MACF1: variants seen among roughly 807,000 people sequenced by gnomAD.
MACF1 encodes microtubule-actin cross-linking factor 1.
Under a neutral mutation model 854.8 loss-of-function variants are expected in MACF1, and 193 were observed. The observed-to-expected ratio is 0.23, with a 90% CI of 0.20 to 0.25. MACF1 has a LOEUF of 0.25. Ranked by LOEUF, MACF1 falls within the 10% of genes least tolerant of loss-of-function variation. The pLI is 1.00. For missense variants in MACF1, 7,722 were observed against 8,929.1 expected, an observed-to-expected ratio of 0.86 and a Z score of 5.45; for synonymous variants, 3,185 against 3,226.7, an observed-to-expected ratio of 0.99 and a Z score of 0.44.
chr1:39,471,609 G>C (rs1204551249), intron 97 of MACF1, among the ~76,000 whole-genome samples: 1 of 152,158 alleles, frequency 6.6e-6, no homozygotes, highest in African/African-American at 2.4e-5. Context: ...GCCAAAATCA[G>C]ATATTTCAGT....
rs554882617 is a variant in MACF1, at chr1:39,310,921, A to G, written c.3191A>G (p.Lys1064Arg). 6 of 1,614,230 alleles carry G rather than the reference A, an allele frequency of 3.7e-6. No homozygotes were observed. The highest frequency in any genetic ancestry group is 4.5e-5 in the East Asian group (2 of 44,886). ...GAGGAGTATGAACAGAGGGTGGTCAAACGAATTCAGTCTCTAGCCAGCTCT... is the reference window on the plus strand; with the variant it reads ...GAGGAGTATGAACAGAGGGTGGTCAGACGAATTCAGTCTCTAGCCAGCTCT... ...RLEEYEQRVV[K>R]RIQSLASSRT... The change falls in exon 26 of 101, where the codon AAA becomes AGA. Residue 1064 changes from lysine (K) to arginine (R), a missense_variant. Coordinates refer to ENST00000564288, the MANE Select transcript of MACF1 (RefSeq NM_001394062.1).
At chr1:39,202,598 G>T (rs1465756623), upstream of MACF1, among the ~76,000 whole-genome samples, 1 of 151,296 alleles carries the variant, frequency 6.6e-6, no homozygotes, top group African/African-American at 2.4e-5. Context: ...TCATGCCACT[G>T]CACTCCAGCC....
chr1:39,212,443 A>G (rs1644527943), intron 1 of MACF1, among the ~76,000 whole-genome samples: 1 of 151,964 alleles, frequency 6.6e-6, no homozygotes, highest in Admixed American at 6.6e-5. Flanking sequence ...CCGTTAGGAG[A>G]AATAGGTTCT....
chr1:39,128,028 C>G (rs1006747837), intron 2 of MACF1, among the ~76,000 whole-genome samples: 6 of 152,160 alleles, frequency 3.9e-5, no homozygotes, highest in African/African-American at 1.4e-4. Flanking sequence ...CCTAGGCCCA[C>G]TGGTCAGGGT....
intron 58 of MACF1, among the ~76,000 whole-genome samples, chr1:39,418,256 A>G (rs965742702): frequency 6.6e-6 from 1 of 152,174 alleles, no homozygotes; most frequent in African/African-American, 2.4e-5. Flanking sequence ...AGTGGGAGAC[A>G]CTGTTTCATT....
chr1:39,361,224 T>C, intron 48 of MACF1, 136 bp from the exon 49 acceptor site: 2 of 877,098 alleles, frequency 2.3e-6, no homozygotes, highest in Non-Finnish European at 3.5e-6. Context: ...ACTAAGGTGA[T>C]GAGATGTGTG....
At chr1:39,403,660 T>C (rs1388938830) in intron 58 of MACF1, among the ~76,000 whole-genome samples, 1 of 152,202 alleles carries the variant, frequency 6.6e-6, no homozygotes, top group African/African-American at 2.4e-5. Flanking sequence ...GCCCAAATAT[T>C]CTTCCTCTGC....
chr1:39,250,466 C>G (rs938122800), intron 3 of MACF1, among the ~76,000 whole-genome samples: 1 of 152,008 alleles, frequency 6.6e-6, no homozygotes. Context: ...TCCTAGAGCT[C>G]TAGTCTATAT....
At position 39,232,746 on chromosome 1, in the gene MACF1, G is replaced by GTTT. The variant is rs10712180; in HGVS notation, c.171+1523_171+1525dup. ...AGAAAACTACTCTCATACTCTCTTT[G>GTTT]TTTTTTTTTTTTTTTTTTTTTTGTT... On this transcript the variant is annotated intron_variant, in intron 2 of 100. Coordinates refer to ENST00000564288, the MANE Select transcript of MACF1 (RefSeq NM_001394062.1). Among the ~76,000 whole-genome samples, 970 of 127,796 alleles carry GTTT rather than the reference G, an allele frequency of 7.6e-3. 6 individuals are homozygous for GTTT. Among genetic ancestry groups the GTTT allele is most frequent in the Middle Eastern group, 0.013 (3 of 232 alleles). 83.8% of individuals were successfully genotyped at this position (127,796 alleles called of 152,430 possible). A position where few individuals can be genotyped will look rare whatever the true frequency, so the allele number is the denominator to read the frequency against.
At chr1:39,300,991 C>G (rs191845593) in intron 22 of MACF1, among the ~76,000 whole-genome samples, 1 of 152,166 alleles carries the variant, frequency 6.6e-6, no homozygotes, top group Admixed American at 6.5e-5. Context: ...TGTTTGCACT[C>G]TAGCCTGAGT....
intron 58 of MACF1, among the ~76,000 whole-genome samples, chr1:39,405,727 C>T (rs1274282917): frequency 6.6e-6 from 1 of 152,230 alleles, no homozygotes; most frequent in Non-Finnish European, 1.5e-5. Flanking sequence ...ATTCTTTGAA[C>T]TCTGTAATCA....
chr1:39,191,690 A>G (rs1644256674), intron 2 of MACF1, among the ~76,000 whole-genome samples: 1 of 152,136 alleles, frequency 6.6e-6, no homozygotes, highest in African/African-American at 2.4e-5. Context: ...GTTTTATCCA[A>G]AGTAGAAGCT....
chr1:39,432,994 G>A (rs1374743799), intron 67 of MACF1, 54 bp from the exon 68 acceptor site: 2 of 1,140,058 alleles, frequency 1.8e-6, no homozygotes, highest in East Asian at 2.5e-5. Context: ...TTAACCTTTA[G>A]TAATAACAGG....
intron 2 of MACF1, among the ~76,000 whole-genome samples, chr1:39,155,938 A>G (rs1643674753): frequency 6.6e-6 from 1 of 150,570 alleles, no homozygotes; most frequent in Non-Finnish European, 1.5e-5. Flanking sequence ...CCCAGGCTGG[A>G]GTGCAGTGGC....
chr1:39,423,010 T>C, intron 60 of MACF1, 110 bp downstream of exon 60: 2 of 926,844 alleles, frequency 2.2e-6, no homozygotes, highest in Non-Finnish European at 3.2e-6. Flanking sequence ...AATCCTAAAC[T>C]ACTTTGTGTC....
intron 19 of MACF1, 95 bp from the exon 20 acceptor site, chr1:39,295,692 A>C: frequency 1.2e-6 from 1 of 845,838 alleles, no homozygotes; most frequent in Non-Finnish European, 1.8e-6. Context: ...TGGCTTCTCT[A>C]TCATTAGCAG....
chr1:39,258,120 TTC>T (rs1232797423), intron 6 of MACF1, 92 bp downstream of exon 6: 4 of 981,812 alleles, frequency 4.1e-6, no homozygotes, highest in Non-Finnish European at 6.5e-6. Context: ...TGAGCCTTCC[TTC>T]TCTCTATTTG....
In MACF1 at chr1:39,441,056, C is replaced by T; in HGVS notation, c.18501C>T (p.Ile6167=). The T allele has an allele frequency of 6.2e-7, 1 of 1,614,064 alleles. No individual in the cohort carries two copies. Among genetic ancestry groups the T allele is most frequent in the Non-Finnish European group, 8.5e-7 (1 of 1,180,008 alleles). The change falls in exon 73 of 101, where the codon ATC becomes ATT. Residue 6167 remains isoleucine (I), a synonymous_variant. Transcript: ENST00000564288. ...GLHEELEFIR[I]LGADLIFACG... is the part of the protein sequence containing the mutation. ...ATGAAGAGCTGGAGTTTATTCGGAT[C>T]CTTGGAGCAGATTTGATTTTTGCCT...
chr1:39,389,699 A>G (rs1192801624), intron 58 of MACF1, among the ~76,000 whole-genome samples: 1 of 152,106 alleles, frequency 6.6e-6, no homozygotes, highest in Non-Finnish European at 1.5e-5. Context: ...CCGTAAGTTA[A>G]ACATAGTCTC....
Sources: allele counts gnomAD v4.1 joint callset (sites outside exome capture counted in the v4.1 genomes callset), GRCh38; gene constraint gnomAD v4.1.1; transcripts MANE v1.5; gene names NCBI Gene and HGNC (gene_info 2026-07-23, HGNC 2026-07-21).